PRKG1: variants seen among roughly 807,000 people sequenced by gnomAD.
PRKG1 encodes protein kinase cGMP-dependent 1, also known as cGMP-dependent protein kinase 1.
PRKG1 carries 35 observed loss-of-function variants against 88.1 expected under a neutral mutation model. The observed-to-expected ratio is 0.40, with a 90% CI of 0.30 to 0.53. The LOEUF is 0.53. PRKG1 is among the 20% of genes least tolerant of loss of function. The pLI is 0.59. For missense variants in PRKG1, 540 were observed against 839.8 expected (o/e 0.64, Z 4.41); for synonymous variants, 303 against 292.5 (o/e 1.04, Z -0.37).
At chr10:51,073,884 A>T (rs1007653642), upstream of PRKG1, among the ~76,000 whole-genome samples, 3 of 152,078 alleles carry the variant, frequency 2.0e-5, no homozygotes, top group Non-Finnish European at 2.9e-5. Context: ...GGGAGAAGCG[A>T]CAGCTCGGCC....
At chr10:52,288,652 A>G in intron 14 of PRKG1, 74 bp from the exon 15 acceptor site, 2 of 1,416,186 alleles carry the variant, frequency 1.4e-6, no homozygotes, top group Non-Finnish European at 1.9e-6. Flanking sequence ...TCATCTGTGG[A>G]GTTTATAGCA....
chr10:51,672,988 A>C (rs762909690), intron 3 of PRKG1, among the ~76,000 whole-genome samples: 7 of 152,196 alleles, frequency 4.6e-5, no homozygotes, highest in Non-Finnish European at 8.8e-5. Flanking sequence ...GCAGAGACCC[A>C]AGGTTCTGTC....
At chr10:51,727,279 A>AT (rs1564623129) in intron 3 of PRKG1, among the ~76,000 whole-genome samples, 2 of 141,164 alleles carry the variant, frequency 1.4e-5, no homozygotes, top group African/African-American at 5.6e-5. Flanking sequence ...CATTGCAAAA[A>AT]AAAAAAATAT....
chr10:51,249,316 C>T (rs74133549), intron 2 of PRKG1, among the ~76,000 whole-genome samples: 5,789 of 151,894 alleles, frequency 0.038, 361 homozygotes, highest in African/African-American at 0.13. Context: ...ATAGAATTAT[C>T]AACATTAGAA....
At chr10:51,327,849 A>G (rs1395657216) in intron 2 of PRKG1, among the ~76,000 whole-genome samples, 1 of 152,222 alleles carries the variant, frequency 6.6e-6, no homozygotes, top group African/African-American at 2.4e-5. Flanking sequence ...ACTGACCGAA[A>G]TATCATTATG....
chr10:51,246,166 C>G (rs1839283971), intron 2 of PRKG1, among the ~76,000 whole-genome samples: 1 of 152,102 alleles, frequency 6.6e-6, no homozygotes, highest in African/African-American at 2.4e-5. Flanking sequence ...GACTGACTTT[C>G]TCTGACCCAG....
intron 2 of PRKG1, among the ~76,000 whole-genome samples, chr10:51,324,863 G>A (rs184068317): frequency 6.6e-6 from 1 of 152,344 alleles, no homozygotes; most frequent in Admixed American, 6.5e-5. Context: ...ACATGGGAGT[G>A]CAGATATCAC....
chr10:51,398,697 G>A (rs921318151), intron 2 of PRKG1, among the ~76,000 whole-genome samples: 1 of 152,230 alleles, frequency 6.6e-6, no homozygotes, highest in African/African-American at 2.4e-5. Context: ...CCACGAAGGT[G>A]TTTTTAGATA....
intron 5 of PRKG1, among the ~76,000 whole-genome samples, chr10:51,982,794 C>CCAG (rs144357463): frequency 4.6e-4 from 70 of 151,944 alleles, no homozygotes; most frequent in East Asian, 4.1e-3. Flanking sequence ...TTTATACATT[C>CCAG]CAGCAGCAGC....
At chr10:51,484,414 A>AT (rs1257137477) in intron 3 of PRKG1, among the ~76,000 whole-genome samples, 1 of 152,066 alleles carries the variant, frequency 6.6e-6, no homozygotes, top group Admixed American at 6.6e-5. Flanking sequence ...GTATTTATGC[A>AT]TTTTGGGACC....
intron 3 of PRKG1, among the ~76,000 whole-genome samples, chr10:51,506,886 G>T (rs1330624405): frequency 6.6e-6 from 1 of 152,032 alleles, no homozygotes; most frequent in Non-Finnish European, 1.5e-5. Context: ...CAATAGCAAA[G>T]ACTTGGAACC....
chr10:51,731,848 G>A (rs1398699029), intron 3 of PRKG1, among the ~76,000 whole-genome samples: 1 of 152,136 alleles, frequency 6.6e-6, no homozygotes, highest in Non-Finnish European at 1.5e-5. Flanking sequence ...GAAGTTTAAT[G>A]TCAAGGTGTT....
At chr10:51,797,357 A>ATG (rs1404899120) in intron 3 of PRKG1, among the ~76,000 whole-genome samples, 1 of 146,708 alleles carries the variant, frequency 6.8e-6, no homozygotes, top group East Asian at 1.9e-4. Flanking sequence ...TGTTATATAT[A>ATG]TAAGAGAATA....
intron 7 of PRKG1, among the ~76,000 whole-genome samples, chr10:52,108,673 C>T (rs949832070): frequency 6.6e-6 from 1 of 152,128 alleles, no homozygotes; most frequent in Non-Finnish European, 1.5e-5. Flanking sequence ...GTTCATTCTA[C>T]AGCTTATATT....
intron 2 of PRKG1, among the ~76,000 whole-genome samples, chr10:51,229,937 AAAAAAAAAAAAG>A (rs1179250445): frequency 3.5e-5 from 5 of 143,860 alleles, no homozygotes; most frequent in African/African-American, 1.3e-4. Context: ...AAAAAAAAAA[AAAAAAAAAAAAG>A]AAAAAGAAAA....
At chr10:51,531,308 C>T (rs182860131) in intron 3 of PRKG1, among the ~76,000 whole-genome samples, 175 of 152,198 alleles carry the variant, frequency 1.1e-3, no homozygotes, top group African/African-American at 4.0e-3. Flanking sequence ...ATAATCTTGA[C>T]GGTAACAATC....
chr10:52,084,624 A>T (rs1230988399), intron 7 of PRKG1, among the ~76,000 whole-genome samples: 1 of 152,024 alleles, frequency 6.6e-6, no homozygotes, highest in Non-Finnish European at 1.5e-5. Context: ...TTTGAGAACA[A>T]GTTCAATCGT....
At position 51,749,678 on chromosome 10, in the gene PRKG1, A is replaced by G. The variant is rs73345344; in HGVS notation, c.593-54907A>G. ...ATGCCAGCTCCAGCTGCTATATTCT[A>G]TAGTCTTAAAACTGATTAGACAATA... On this transcript the variant is annotated intron_variant, in intron 3 of 17. Transcript: ENST00000373980. 9.3e-4 allele frequency among the ~76,000 whole-genome samples: 142 copies of G among 152,302 alleles called. 1 individual carries two copies. Among genetic ancestry groups the G allele is most frequent in the African/African-American group, 3.2e-3 (132 of 41,572 alleles).
At chr10:51,259,552 C>A (rs1249582064) in intron 2 of PRKG1, among the ~76,000 whole-genome samples, 2 of 152,186 alleles carry the variant, frequency 1.3e-5, no homozygotes, top group African/African-American at 4.8e-5. Context: ...TGGCTCACTG[C>A]AACCTCTGCC....
Sources: gnomAD v4.1 joint callset for allele counts (sites outside exome capture counted in the v4.1 genomes callset) on GRCh38, gnomAD v4.1.1 for gene constraint, MANE v1.5 for transcripts, NCBI Gene and HGNC (gene_info 2026-07-23, HGNC 2026-07-21) for gene names.